EPB41L4B: variants seen among roughly 807,000 people sequenced by gnomAD.
The protein encoded by EPB41L4B is erythrocyte membrane protein band 4.1 like 4B, also known as band 4.1-like protein 4B.
A neutral mutation model predicts 112.5 loss-of-function variants in EPB41L4B; 30 were observed. The ratio of observed to expected loss-of-function variants is 0.27; its 90% confidence interval spans 0.20 to 0.36. EPB41L4B has a LOEUF of 0.36. Ranked by LOEUF, EPB41L4B falls within the 10% of genes least tolerant of loss-of-function variation. The pLI is 1.00. For missense variants in EPB41L4B, 1,024 were observed against 1,133.3 expected, an observed-to-expected ratio of 0.90 and a Z score of 1.38; for synonymous variants, 408 against 439.7, an observed-to-expected ratio of 0.93 and a Z score of 0.90.
intron 18 of EPB41L4B, among the ~76,000 whole-genome samples, chr9:109,207,625 T>C (rs1023935646): frequency 2.6e-5 from 4 of 152,024 alleles, no homozygotes; most frequent in African/African-American, 9.7e-5. Flanking sequence ...GGAATATTCA[T>C]GAGCCCCCAC....
Position 109,174,224 on chromosome 9 carries a change from T to G in EPB41L4B, c.*330A>C, listed in dbSNP as rs1831726970. On this transcript the variant is annotated 3_prime_UTR_variant, in exon 26 of 26. Coordinates refer to ENST00000374566, the MANE Select transcript of EPB41L4B (RefSeq NM_019114.5). ...AAAATCAAATGGTTGAAATTGATAG[T>G]AAAAGATCCTACATCATATTAACCC... 1.0e-5 allele frequency: 2 copies of G among 194,670 alleles called. No homozygotes were observed. The highest frequency in any genetic ancestry group is 2.1e-5 in the Non-Finnish European group (2 of 94,678). 12.1% of individuals were successfully genotyped at this position (194,670 alleles called of 1,614,324 possible). A position where few individuals can be genotyped will look rare whatever the true frequency, so the allele number is the denominator to read the frequency against.
intron 1 of EPB41L4B, among the ~76,000 whole-genome samples, chr9:109,299,827 G>C (rs1424857084): frequency 2.0e-5 from 3 of 152,122 alleles, no homozygotes; most frequent in African/African-American, 4.8e-5. Context: ...TGCCTGTGCT[G>C]AAGTTCATAC....
At chr9:109,271,833 T>C (rs925921837) in intron 2 of EPB41L4B, among the ~76,000 whole-genome samples, 7 of 152,228 alleles carry the variant, frequency 4.6e-5, no homozygotes, top group Non-Finnish European at 1.0e-4. Context: ...TAACGGGTGT[T>C]AGAAAGGTGG....
intron 7 of EPB41L4B, among the ~76,000 whole-genome samples, chr9:109,257,832 A>C (rs984102152): frequency 6.6e-6 from 1 of 152,120 alleles, no homozygotes; most frequent in Non-Finnish European, 1.5e-5. Flanking sequence ...TCATCTCTGC[A>C]AAAAATAGAA....
chr9:109,204,163 A>T (rs1832921135), intron 18 of EPB41L4B, among the ~76,000 whole-genome samples: 1 of 152,192 alleles, frequency 6.6e-6, no homozygotes, highest in Non-Finnish European at 1.5e-5. Flanking sequence ...TAACAACCAT[A>T]ACAGCCTGGC....
intron 15 of EPB41L4B, among the ~76,000 whole-genome samples, chr9:109,227,771 AG>A (rs1833832506): frequency 6.6e-6 from 1 of 152,034 alleles, no homozygotes; most frequent in African/African-American, 2.4e-5. Context: ...TAGTAGAGAC[AG>A]GGTTTCACCA....
intron 1 of EPB41L4B, among the ~76,000 whole-genome samples, chr9:109,284,016 T>C (rs1836174974): frequency 6.6e-6 from 1 of 152,072 alleles, no homozygotes; most frequent in African/African-American, 2.4e-5. Flanking sequence ...AAGGATCACT[T>C]GAAGTTCAAG....
intron 17 of EPB41L4B, among the ~76,000 whole-genome samples, chr9:109,209,145 G>T (rs910434133): frequency 6.6e-6 from 1 of 152,130 alleles, no homozygotes; most frequent in Non-Finnish European, 1.5e-5. Context: ...TACTGAGCAT[G>T]TTGGTACACA....
At chr9:109,313,940 T>C (rs1391266841) in intron 1 of EPB41L4B, among the ~76,000 whole-genome samples, 2 of 152,230 alleles carry the variant, frequency 1.3e-5, no homozygotes, top group African/African-American at 4.8e-5. Flanking sequence ...TAACAGTGTT[T>C]AATGAAACTG....
In EPB41L4B at chr9:109,294,672, C is replaced by CTGTG. The variant is rs56261244; in HGVS notation, c.307-14755_307-14752dup. Among the ~76,000 whole-genome samples, 525 of 147,940 alleles carry CTGTG rather than the reference C, an allele frequency of 3.5e-3. 1 individual carries two copies. Among genetic ancestry groups the CTGTG allele is most frequent in the African/African-American group, 4.1e-3 (165 of 40,204 alleles). ...TTTGTGGAGTATAATGATATTGTGGCTGTGTGTGTGTGTGTGTGTGTGTGT... is the reference window on the plus strand; with the variant it reads ...TTTGTGGAGTATAATGATATTGTGGCTGTGTGTGTGTGTGTGTGTGTGTGTGTGT... On this transcript the variant is annotated intron_variant, in intron 1 of 25. Transcript: ENST00000374566.
intron 1 of EPB41L4B, among the ~76,000 whole-genome samples, chr9:109,310,266 A>T (rs1432306407): frequency 6.6e-6 from 1 of 152,144 alleles, no homozygotes; most frequent in Non-Finnish European, 1.5e-5. Flanking sequence ...CTGCAAAACT[A>T]ACATGATATT....
At position 109,174,607 on chromosome 9, in the gene EPB41L4B, G is replaced by C; in HGVS notation, c.2650C>G (p.Gln884Glu). 6.2e-7 allele frequency: 1 copy of C among 1,614,020 alleles called. No individual in the cohort carries two copies. Among genetic ancestry groups the C allele is most frequent in the Non-Finnish European group, 8.5e-7 (1 of 1,179,960 alleles). Residue 884 changes from glutamine to glutamate, a missense_variant, in exon 26 of 26, where the codon CAG (glutamine) becomes GAG (glutamate). Physicochemically the swap from Gln to Glu is conservative, Grantham distance 29. Coordinates refer to ENST00000374566, the MANE Select transcript of EPB41L4B (RefSeq NM_019114.5). ...ATCATCTTCTCTCTCTCCAGTTCCTGCCGGAGTGTCTCTGCACTAAAAAAA... is the reference window on the plus strand; with the variant it reads ...ATCATCTTCTCTCTCTCCAGTTCCTCCCGGAGTGTCTCTGCACTAAAAAAA... ...SLAASAETLR[Q>E]ELEREKMMKR...
At chr9:109,189,501 G>C (rs935493444) in intron 22 of EPB41L4B, among the ~76,000 whole-genome samples, 4 of 152,206 alleles carry the variant, frequency 2.6e-5, no homozygotes, top group Admixed American at 1.3e-4. Context: ...GCCTGTTCCA[G>C]ATTGAAACTT....
At chr9:109,235,049 C>T (rs1056872480) in intron 15 of EPB41L4B, among the ~76,000 whole-genome samples, 1 of 152,186 alleles carries the variant, frequency 6.6e-6, no homozygotes, top group African/African-American at 2.4e-5. Context: ...GAGTCCCAAT[C>T]GTAGCAGCAG....
chr9:109,306,427 A>G (rs1837194778), intron 1 of EPB41L4B, among the ~76,000 whole-genome samples: 1 of 152,142 alleles, frequency 6.6e-6, no homozygotes, highest in Admixed American at 6.5e-5. Context: ...CAGCCTGCCC[A>G]ATATGGCAAA....
At chr9:109,236,058 A>T (rs769191633) in intron 15 of EPB41L4B, among the ~76,000 whole-genome samples, 1 of 152,200 alleles carries the variant, frequency 6.6e-6, no homozygotes, top group South Asian at 2.1e-4. Flanking sequence ...TCCTTCTCTC[A>T]TCTGGCTGGC....
chr9:109,175,609 T>C (rs1203700641), intron 25 of EPB41L4B, among the ~76,000 whole-genome samples: 1 of 151,024 alleles, frequency 6.6e-6, no homozygotes, highest in African/African-American at 2.4e-5. Context: ...TGGCCTCAAC[T>C]GATCCTCCCA....
At position 109,255,611 on chromosome 9, in the gene EPB41L4B, A is replaced by G. The variant is rs1286946686; in HGVS notation, c.1069T>C (p.Cys357Arg). The G allele has an allele frequency of 1.2e-6, 2 of 1,614,068 alleles. No homozygotes were observed. Among genetic ancestry groups the G allele is most frequent in the Admixed American group, 1.7e-5 (1 of 60,002 alleles). ...SARTCKHLWK[C>R]AVEHHAFFRL... ...AAGAATGCGTGGTGCTCAACTGCAC[A>G]CTTCCAAAGGTGTTTGCAGGTCCTG... The change falls in exon 11 of 26, where the codon TGT (cysteine) becomes CGT (arginine). Residue 357 changes from cysteine to arginine, a missense_variant. Transcript: ENST00000374566.
intron 1 of EPB41L4B, among the ~76,000 whole-genome samples, chr9:109,286,177 A>ATGGATGGATGGATGGG (rs1230258279): frequency 1.3e-5 from 2 of 149,684 alleles, no homozygotes; most frequent in East Asian, 2.0e-4. Context: ...GGATGGATGG[A>ATGGATGGATGGATGGG]TGGATGGATG....
Sources: allele counts gnomAD v4.1 joint callset (sites outside exome capture counted in the v4.1 genomes callset), GRCh38; gene constraint gnomAD v4.1.1; transcripts MANE v1.5; gene names NCBI Gene and HGNC (gene_info 2026-07-23, HGNC 2026-07-21).